SOX5: variants seen among roughly 807,000 people sequenced by gnomAD.
SOX5 encodes the protein SRY-box transcription factor 5, also known as transcription factor SOX-5.
Under a neutral mutation model 92.0 loss-of-function variants are expected in SOX5, and 9 were observed. The ratio of observed to expected loss-of-function variants is 0.10; its 90% CI spans 0.06 to 0.17. SOX5 has a LOEUF of 0.17. SOX5 is among the 10% of genes least tolerant of loss of function. The pLI is 1.00. For missense variants in SOX5, 642 were observed against 944.5 expected (o/e 0.68, Z 4.20); for synonymous variants, 344 against 336.3 (o/e 1.02, Z -0.25).
At chr12:24,355,000 T>A (rs953779707) in intron 2 of SOX5, among the ~76,000 whole-genome samples, 4 of 152,212 alleles carry the variant, frequency 2.6e-5, no homozygotes, top group Non-Finnish European at 5.9e-5. Flanking sequence ...GTGTGTATTT[T>A]AACTAAGTTT....
chr12:24,098,784 C>G (rs1945732550), intron 4 of SOX5, among the ~76,000 whole-genome samples: 2 of 152,048 alleles, frequency 1.3e-5, no homozygotes, highest in Admixed American at 1.3e-4. Context: ...ACATACTTAC[C>G]AAGGGTAGAG....
At chr12:24,461,090 T>C (rs945390616) in intron 1 of SOX5, among the ~76,000 whole-genome samples, 60 of 152,332 alleles carry the variant, frequency 3.9e-4, no homozygotes, top group African/African-American at 1.4e-3. Flanking sequence ...TGAGATTTGG[T>C]TGCCCTCTAC....
chr12:23,889,250 C>T (rs190431381), intron 2 of SOX5, among the ~76,000 whole-genome samples: 10 of 152,168 alleles, frequency 6.6e-5, no homozygotes, highest in East Asian at 1.9e-4. Context: ...CTAAGTTTGA[C>T]GTACAAAGGT....
At chr12:23,569,906 C>T (rs1305262853) in intron 10 of SOX5, among the ~76,000 whole-genome samples, 2 of 152,200 alleles carry the variant, frequency 1.3e-5, no homozygotes, top group African/African-American at 4.8e-5. Flanking sequence ...CTATGGACTA[C>T]TTAGCATTTT....
chr12:24,493,994 G>A (rs551898788), intron 1 of SOX5, among the ~76,000 whole-genome samples: 3 of 152,242 alleles, frequency 2.0e-5, no homozygotes, highest in South Asian at 2.1e-4. Context: ...CTCAATGATC[G>A]AATGTATTGG....
intron 6 of SOX5, among the ~76,000 whole-genome samples, chr12:23,720,178 G>T (rs898433497): frequency 1.3e-5 from 2 of 152,090 alleles, no homozygotes; most frequent in Non-Finnish European, 1.5e-5. Flanking sequence ...AAAACAGAAA[G>T]AATTTTTTAA....
intron 1 of SOX5, among the ~76,000 whole-genome samples, chr12:24,434,222 G>A (rs959610177): frequency 2.6e-5 from 4 of 152,058 alleles, no homozygotes; most frequent in Admixed American, 6.5e-5. Context: ...CAATGGGGAG[G>A]GGAAGGAAAG....
chr12:24,336,872 GC>G (rs1951969029), intron 2 of SOX5, among the ~76,000 whole-genome samples: 1 of 152,180 alleles, frequency 6.6e-6, no homozygotes, highest in Non-Finnish European at 1.5e-5. Context: ...TGCAGGTGGG[GC>G]CCAGTTATTT....
At chr12:24,323,927 C>T (rs1825003388) in intron 2 of SOX5, among the ~76,000 whole-genome samples, 1 of 151,852 alleles carries the variant, frequency 6.6e-6, no homozygotes, top group Non-Finnish European at 1.5e-5. Context: ...GGAAAATGTT[C>T]AATTAAGAAA....
At chr12:24,411,694 A>G (rs533928025) in intron 1 of SOX5, among the ~76,000 whole-genome samples, 57 of 152,256 alleles carry the variant, frequency 3.7e-4, no homozygotes, top group Admixed American at 3.1e-3. Context: ...TTCTTTTTAC[A>G]TATTGTTGAA....
At position 23,660,155 on chromosome 12, in the gene SOX5, G is replaced by C. The variant is rs75586404; in HGVS notation, c.931+5289C>G. Among the ~76,000 whole-genome samples, 629 of 152,302 alleles carry C rather than the reference G, an allele frequency of 4.1e-3. 5 individuals are homozygous for C. Among genetic ancestry groups the C allele is most frequent in the African/African-American group, 0.014 (597 of 41,568 alleles). Reference sequence around the variant, plus strand: ...AGTTTGATCCTAACTCAAAGAGAGTGAGTGATGAAATGTCATCAAATGCTA... The same window carrying C: ...AGTTTGATCCTAACTCAAAGAGAGTCAGTGATGAAATGTCATCAAATGCTA... On this transcript the variant is annotated intron_variant, in intron 7 of 14. Transcript: ENST00000451604.
rs1412370941 is a variant in SOX5 at position 23,900,825 on chromosome 12, T to C, written c.39-4801A>G. Reference sequence around the variant, plus strand: ...AATACAAAAAATTAGCCGGGTGTGGTGGTGCACACCTGTAGTTCCAGCTAC... The same window carrying C: ...AATACAAAAAATTAGCCGGGTGTGGCGGTGCACACCTGTAGTTCCAGCTAC... On this transcript the variant is annotated intron_variant, in intron 1 of 14. Transcript: ENST00000451604. 2.0e-5 allele frequency among the ~76,000 whole-genome samples: 3 copies of C among 152,022 alleles called. No individual in the cohort carries two copies. The East Asian group carries it at 5.8e-4, about 29-fold the overall frequency.
chr12:24,123,489 A>G (rs760307223), intron 4 of SOX5, among the ~76,000 whole-genome samples: 4 of 152,168 alleles, frequency 2.6e-5, no homozygotes, highest in Non-Finnish European at 4.4e-5. Flanking sequence ...TGCCTTCCCC[A>G]AACCCTTCCC....
At chr12:24,352,259 C>G (rs912183816) in intron 2 of SOX5, among the ~76,000 whole-genome samples, 1 of 152,096 alleles carries the variant, frequency 6.6e-6, no homozygotes, top group African/African-American at 2.4e-5. Context: ...AATTTTTCCA[C>G]CCAGTGATGG....
chr12:24,116,628 T>C (rs1222009538), intron 4 of SOX5, among the ~76,000 whole-genome samples: 3 of 152,160 alleles, frequency 2.0e-5, no homozygotes, highest in Non-Finnish European at 4.4e-5. Flanking sequence ...ACCCTTTTTT[T>C]CCCTAAGCAC....
At chr12:24,124,370 G>A (rs1395959019) in intron 4 of SOX5, among the ~76,000 whole-genome samples, 3 of 152,158 alleles carry the variant, frequency 2.0e-5, no homozygotes, top group South Asian at 4.1e-4. Context: ...CATTTGGAGC[G>A]TGGTTTTTCC....
intron 2 of SOX5, among the ~76,000 whole-genome samples, chr12:24,348,926 T>C (rs1223659648): frequency 6.6e-6 from 1 of 152,218 alleles, no homozygotes; most frequent in Non-Finnish European, 1.5e-5. Context: ...CTTTGCTCCT[T>C]CTTCACCTTC....
intron 2 of SOX5, among the ~76,000 whole-genome samples, chr12:23,878,111 A>G (rs1223026626): frequency 7.2e-5 from 11 of 152,012 alleles, no homozygotes; most frequent in Non-Finnish European, 1.3e-4. Flanking sequence ...GTTTTGGCAT[A>G]TACTCTTCAC....
chr12:24,056,105 TA>T (rs1445363205), intron 4 of SOX5, among the ~76,000 whole-genome samples: 1 of 152,194 alleles, frequency 6.6e-6, no homozygotes, highest in East Asian at 1.9e-4. Context: ...TGAATTCAAG[TA>T]CTAGTGTATG....
Sources: gnomAD v4.1 joint callset for allele counts (sites outside exome capture counted in the v4.1 genomes callset) on GRCh38, gnomAD v4.1.1 for gene constraint, MANE v1.5 for transcripts, NCBI Gene and HGNC (gene_info 2026-07-23, HGNC 2026-07-21) for gene names.